The following HHAT variants were observed in gnomAD, a reference collection of about 807,000 sequenced individuals.
HHAT encodes hedgehog acyltransferase, also known as protein-cysteine N-palmitoyltransferase HHAT.
A neutral mutation model predicts 70.8 loss-of-function variants in HHAT; 47 were observed. The ratio of observed to expected loss-of-function variants is 0.66; its 90% confidence interval spans 0.53 to 0.85. The LOEUF is 0.85. HHAT is among the 40% of genes least tolerant of loss of function. The probability of loss-of-function intolerance (pLI) is 0.00; values close to 1 mark genes in which losing one functional copy is unlikely to be tolerated. For missense variants in HHAT, 609 were observed against 604.8 expected (o/e 1.01, Z -0.07); for synonymous variants, 228 against 247.6 (o/e 0.92, Z 0.74).
At chr1:210,337,938 T>A (rs1369396637) in intron 1 of HHAT, among the ~76,000 whole-genome samples, 1 of 152,210 alleles carries the variant, frequency 6.6e-6, no homozygotes, top group Non-Finnish European at 1.5e-5. Context: ...GTCTAAGATA[T>A]TATTTGAGTG....
In HHAT at chr1:210,573,408, G is replaced by C. The variant is rs558027286; in HGVS notation, c.1044-14490G>C. On this transcript the variant is annotated intron_variant, in intron 9 of 11. Coordinates refer to ENST00000261458, the MANE Select transcript of HHAT (RefSeq NM_018194.6). Reference sequence around the variant, plus strand: ...AAGTGATGTGCCTGGCTAAGGAAGAGGTATTGTCGGGAAAGTTAACCCAAG... The same window carrying C: ...AAGTGATGTGCCTGGCTAAGGAAGACGTATTGTCGGGAAAGTTAACCCAAG... Among the ~76,000 whole-genome samples, 10 of 152,302 alleles carry C rather than the reference G, an allele frequency of 6.6e-5. No individual in the cohort carries two copies. The South Asian group carries it at 2.1e-3, about 32-fold the overall frequency.
At chr1:210,387,256 G>T (rs559876291) in intron 3 of HHAT, among the ~76,000 whole-genome samples, 1 of 152,264 alleles carries the variant, frequency 6.6e-6, no homozygotes, top group East Asian at 1.9e-4. Context: ...TTCCGGTTAG[G>T]TTGGTGCAAA....
At chr1:210,462,154 A>G (rs73075583) in intron 7 of HHAT, among the ~76,000 whole-genome samples, 1 of 152,388 alleles carries the variant, frequency 6.6e-6, no homozygotes, top group African/African-American at 2.4e-5. Flanking sequence ...TACTTGAGAC[A>G]TGAAGCAACC....
At chr1:210,406,256 T>C (rs993055225) in intron 6 of HHAT, among the ~76,000 whole-genome samples, 1 of 152,166 alleles carries the variant, frequency 6.6e-6, no homozygotes, top group African/African-American at 2.4e-5. Context: ...GGCTGGTAAT[T>C]TTCAGAGAAA....
intron 8 of HHAT, among the ~76,000 whole-genome samples, chr1:210,496,021 A>AAAAAAG (rs2094634362): frequency 6.6e-6 from 1 of 150,600 alleles, no homozygotes; most frequent in Non-Finnish European, 1.5e-5. Context: ...AAAAAAAAAA[A>AAAAAAG]AAAAAAAAAG....
chr1:210,362,561 C>T (rs1232117787), intron 2 of HHAT, among the ~76,000 whole-genome samples: 1 of 152,228 alleles, frequency 6.6e-6, no homozygotes, highest in Admixed American at 6.5e-5. Context: ...GGGCCATTTG[C>T]AGTAACCCTT....
intron 3 of HHAT, among the ~76,000 whole-genome samples, chr1:210,373,658 C>T (rs2089783302): frequency 1.3e-5 from 2 of 152,136 alleles, no homozygotes; most frequent in African/African-American, 4.8e-5. Flanking sequence ...GGCATGTGTA[C>T]GTTTATTAAA....
intron 9 of HHAT, among the ~76,000 whole-genome samples, chr1:210,570,825 T>C (rs908597578): frequency 2.0e-5 from 3 of 152,134 alleles, no homozygotes; most frequent in African/African-American, 7.2e-5. Flanking sequence ...GCTAACTAGA[T>C]GGGCTAGGAA....
chr1:210,540,955 C>T (rs1319370327), intron 9 of HHAT, among the ~76,000 whole-genome samples: 1 of 152,102 alleles, frequency 6.6e-6, no homozygotes, highest in Non-Finnish European at 1.5e-5. Flanking sequence ...ATTATCCTGC[C>T]TCAGCCTCCT....
Position 210,404,582 on chromosome 1 carries a change from C to A in HHAT, c.587C>A (p.Ser196Ter). The A allele has an allele frequency of 6.2e-7, 1 of 1,613,930 alleles. No homozygotes were observed. Among genetic ancestry groups the A allele is most frequent in the Non-Finnish European group, 8.5e-7 (1 of 1,179,842 alleles). ...ELCWQQLPAA[S>*]TSYSFPWMLA... The stretch of plus-strand genomic sequence containing the variant: ...TGCTGGCAGCAGCTGCCTGCTGCAT[C>A]GACCTCCTACTCCTTTCCCTGGATG... Residue 196 changes from serine to a stop codon, truncating the protein, a stop_gained, in exon 6 of 12, where the codon TCG (serine) becomes TAG (stop). Transcript: ENST00000261458. LOFTEE classifies it high-confidence loss of function.
chr1:210,637,872 G>GGC (rs1553312434), intron 11 of HHAT, among the ~76,000 whole-genome samples: 2,573 of 36,112 alleles, frequency 0.071, 55 homozygotes, highest in South Asian at 0.16. Context: ...AAAAAAAAAA[G>GGC]GGGGGGGCAA....
intron 6 of HHAT, among the ~76,000 whole-genome samples, chr1:210,406,924 TA>T: frequency 6.6e-6 from 1 of 152,190 alleles, no homozygotes; most frequent in Admixed American, 6.5e-5. Context: ...TCTTCTTTTT[TA>T]ACCCCTTCTA....
chr1:210,592,531 A>T (rs1661965289), intron 10 of HHAT, among the ~76,000 whole-genome samples: 2 of 137,568 alleles, frequency 1.5e-5, no homozygotes, highest in South Asian at 5.0e-4. Flanking sequence ...TTGTGGTTCC[A>T]TATAAGTTTT....
At chr1:210,461,241 T>C (rs2093972958) in intron 7 of HHAT, among the ~76,000 whole-genome samples, 1 of 152,092 alleles carries the variant, frequency 6.6e-6, no homozygotes, top group Non-Finnish European at 1.5e-5. Flanking sequence ...TTAGACCAAA[T>C]CTTAAAAGGG....
At chr1:210,389,168 G>A (rs533448794) in intron 4 of HHAT, among the ~76,000 whole-genome samples, 2 of 147,216 alleles carry the variant, frequency 1.4e-5, no homozygotes, top group South Asian at 4.3e-4. Flanking sequence ...ATGGAGGCTG[G>A]GAAGTCATAA....
chr1:210,618,375 C>T (rs891017512), intron 10 of HHAT, among the ~76,000 whole-genome samples: 3 of 152,138 alleles, frequency 2.0e-5, no homozygotes, highest in African/African-American at 7.2e-5. Flanking sequence ...CTTGCCATTG[C>T]CTTTTTCATC....
intron 11 of HHAT, among the ~76,000 whole-genome samples, chr1:210,639,335 G>A (rs1482876794): frequency 6.6e-6 from 1 of 152,178 alleles, no homozygotes; most frequent in East Asian, 1.9e-4. Context: ...GTCTGTACTA[G>A]TCATCATGTA....
intron 9 of HHAT, among the ~76,000 whole-genome samples, chr1:210,514,558 T>C (rs2095021057): frequency 6.6e-6 from 1 of 152,310 alleles, no homozygotes; most frequent in East Asian, 1.9e-4. Context: ...GATGCAAGTT[T>C]GTACTCTTCT....
intron 9 of HHAT, among the ~76,000 whole-genome samples, chr1:210,516,931 G>A (rs527344929): frequency 6.6e-6 from 1 of 152,314 alleles, no homozygotes; most frequent in African/African-American, 2.4e-5. Context: ...AGCCATGGGG[G>A]CAGGAAAGAG....
Sources: gnomAD v4.1 joint callset for allele counts (sites outside exome capture counted in the v4.1 genomes callset) on GRCh38, gnomAD v4.1.1 for gene constraint, MANE v1.5 for transcripts, NCBI Gene and HGNC (gene_info 2026-07-23, HGNC 2026-07-21) for gene names.